The following PTGFR variants were observed in gnomAD, a reference collection of about 807,000 sequenced individuals.
PTGFR encodes the protein prostaglandin F receptor.
PTGFR carries 15 observed loss-of-function variants against 26.2 expected under a neutral mutation model. The observed-to-expected ratio is 0.57, with a 90% confidence interval of 0.38 to 0.88. The LOEUF is 0.88. PTGFR is among the 40% of genes least tolerant of loss of function. The pLI, the probability that PTGFR is intolerant of heterozygous loss-of-function variation, is 0.00. For synonymous variants in PTGFR, 165 were observed against 151.1 expected, an observed-to-expected ratio of 1.09 and a Z score of -0.68; for missense variants, 369 against 427.2, an observed-to-expected ratio of 0.86 and a Z score of 1.20.
At chr1:78,501,462 TG>T (rs1649703943) in intron 2 of PTGFR, among the ~76,000 whole-genome samples, 1 of 152,238 alleles carries the variant, frequency 6.6e-6, no homozygotes, top group Admixed American at 6.5e-5. Flanking sequence ...ACCTGTCTCC[TG>T]TCTGTCCTCT....
rs190095999 is a variant in PTGFR at position 78,531,938 on chromosome 1, C to T, written c.799-4468C>T. Among the ~76,000 whole-genome samples the T allele has an allele frequency of 1.2e-3, 179 of 151,964 alleles. 3 individuals are homozygous for T. The highest frequency in any genetic ancestry group is 4.2e-3 in the African/African-American group (176 of 41,452). On this transcript the variant is annotated intron_variant, in intron 2 of 2. Transcript: ENST00000370757. ...CATATTATACTGATATTATGTTTAT[C>T]AATATTAAAGGAGTGGTGTCACACA...
intron 2 of PTGFR, among the ~76,000 whole-genome samples, chr1:78,523,433 G>C (rs1650294077): frequency 6.6e-6 from 1 of 152,154 alleles, no homozygotes; most frequent in East Asian, 1.9e-4. Flanking sequence ...TGTTGGGACA[G>C]TGGAAGAAAA....
chr1:78,527,369 C>G (rs969842126), intron 2 of PTGFR, among the ~76,000 whole-genome samples: 1 of 151,948 alleles, frequency 6.6e-6, no homozygotes, highest in African/African-American at 2.4e-5. Flanking sequence ...TTGACTGTAT[C>G]TTAAACAAAA....
At chr1:78,518,609 CACACACACACAT>C (rs1487822895) in intron 2 of PTGFR, among the ~76,000 whole-genome samples, 13 of 127,512 alleles carry the variant, frequency 1.0e-4, no homozygotes, top group African/African-American at 3.5e-4. Flanking sequence ...CACACACACA[CACACACACACAT>C]ACGCATTTAT....
chr1:78,534,967 C>T (rs1650610167), intron 2 of PTGFR, among the ~76,000 whole-genome samples: 1 of 152,136 alleles, frequency 6.6e-6, no homozygotes, highest in Admixed American at 6.6e-5. Context: ...AGTGCTTCTC[C>T]CAAGTCAGGC....
intron 2 of PTGFR, among the ~76,000 whole-genome samples, chr1:78,523,649 T>C (rs1325944054): frequency 1.3e-5 from 2 of 152,146 alleles, no homozygotes; most frequent in African/African-American, 4.8e-5. Context: ...GTAAGGATTA[T>C]TAACACTGCA....
intron 2 of PTGFR, among the ~76,000 whole-genome samples, chr1:78,514,731 C>T (rs12058120): frequency 3.9e-5 from 6 of 152,060 alleles, no homozygotes; most frequent in South Asian, 4.2e-4. Context: ...GTTGGAGGTG[C>T]GGCCTGGTGA....
chr1:78,515,444 T>G (rs1362954787), intron 2 of PTGFR, among the ~76,000 whole-genome samples: 1 of 152,220 alleles, frequency 6.6e-6, no homozygotes, highest in Non-Finnish European at 1.5e-5. Context: ...TTTCTTAAAG[T>G]CCAATATTTT....
intron 2 of PTGFR, among the ~76,000 whole-genome samples, chr1:78,513,087 G>A (rs74566343): frequency 0.015 from 2,350 of 152,170 alleles, 62 homozygotes; most frequent in African/African-American, 0.052. Flanking sequence ...ATAGCAATGT[G>A]AGAAAGGACT....
chr1:78,526,132 CA>C (rs1309825866), intron 2 of PTGFR, among the ~76,000 whole-genome samples: 1 of 151,954 alleles, frequency 6.6e-6, no homozygotes, highest in Non-Finnish European at 1.5e-5. Flanking sequence ...CCCAACATTG[CA>C]AGAATTATAC....
intron 2 of PTGFR, 107 bp downstream of exon 2, chr1:78,493,648 A>C (rs1228269378): frequency 5.4e-6 from 6 of 1,113,182 alleles, no homozygotes; most frequent in Non-Finnish European, 7.4e-6. Flanking sequence ...CCCTACTCAA[A>C]ATTTATTTCA....
At chr1:78,529,157 A>G (rs924256745) in intron 2 of PTGFR, among the ~76,000 whole-genome samples, 1 of 152,170 alleles carries the variant, frequency 6.6e-6, no homozygotes, top group African/African-American at 2.4e-5. Context: ...TTCTTGCTGG[A>G]AAAAACATAA....
At chr1:78,498,543 A>G (rs1298695033) in intron 2 of PTGFR, among the ~76,000 whole-genome samples, 1 of 152,162 alleles carries the variant, frequency 6.6e-6, no homozygotes, top group Non-Finnish European at 1.5e-5. Context: ...TAAAAAATTA[A>G]CCCATTGCCA....
intron 2 of PTGFR, chr1:78,532,131 A>G: frequency 2.7e-6 from 1 of 367,502 alleles, no homozygotes; most frequent in South Asian, 1.9e-5. Context: ...TAACTAGAGA[A>G]AACAAAATGC....
At chr1:78,534,757 G>T (rs770587224) in intron 2 of PTGFR, among the ~76,000 whole-genome samples, 14 of 151,738 alleles carry the variant, frequency 9.2e-5, no homozygotes, top group Admixed American at 2.0e-4. Context: ...CTTTTTAAAA[G>T]GTTAACACTG....
intron 2 of PTGFR, among the ~76,000 whole-genome samples, chr1:78,531,927 AT>A (rs1303056546): frequency 2.0e-5 from 3 of 152,102 alleles, no homozygotes; most frequent in Admixed American, 6.6e-5. Context: ...TTATACTGAT[AT>A]TATGTTTATC....
intron 2 of PTGFR, among the ~76,000 whole-genome samples, chr1:78,518,739 T>A (rs6424777): frequency 2.0e-5 from 3 of 152,006 alleles, no homozygotes; most frequent in East Asian, 1.9e-4. Flanking sequence ...ATTTTTTTCA[T>A]GATTGATTTT....
rs1649768786 is a variant in PTGFR, at chr1:78,503,998, A to C, written c.798+10457A>C. 2.6e-5 allele frequency among the ~76,000 whole-genome samples: 4 copies of C among 152,162 alleles called. No individual in the cohort carries two copies. In the South Asian group the frequency reaches 8.3e-4, roughly 32 times the overall value. On this transcript the variant is annotated intron_variant, in intron 2 of 2. Transcript: ENST00000370757. ...AGAAACAGAACGCAAGGGTGAAAAC[A>C]AGGCAATTAGGGCAGCAGAAAGCTG... is the stretch of plus-strand genomic sequence containing the variant.
In PTGFR at chr1:78,539,345, A is replaced by T. The variant is rs1216674181; in HGVS notation, c.*2658A>T. 1 of 152,176 alleles carries T rather than the reference A, an allele frequency of 6.6e-6. No homozygotes were observed. Among genetic ancestry groups the T allele is most frequent in the Non-Finnish European group, 1.5e-5 (1 of 67,994 alleles). The allele number at this position is 152,176 out of a possible 1,614,324, so 9.4% of individuals were successfully genotyped here. ...CTACTCTGAGTTTAGAACCCAAATA[A>T]GAGGACTTGTTAAATATAGAGTGTA... On this transcript the variant is annotated 3_prime_UTR_variant, in exon 3 of 3. Transcript: ENST00000370757.
Sources: gnomAD v4.1 joint callset for allele counts (sites outside exome capture counted in the v4.1 genomes callset) on GRCh38, gnomAD v4.1.1 for gene constraint, MANE v1.5 for transcripts, NCBI Gene and HGNC (gene_info 2026-07-23, HGNC 2026-07-21) for gene names.